The following CDC42BPB variants were observed in gnomAD, a reference collection of about 807,000 sequenced individuals.
The protein encoded by CDC42BPB is serine/threonine-protein kinase MRCK beta.
A neutral mutation model predicts 214.9 loss-of-function variants in CDC42BPB; 37 were observed. The observed-to-expected ratio is 0.17, with a 90% CI of 0.13 to 0.23. The LOEUF (loss-of-function observed/expected upper bound fraction) is 0.23, where lower values mean the gene tolerates loss of function less well. Ranked by LOEUF, CDC42BPB falls within the 10% of genes least tolerant of loss-of-function variation. The pLI is 1.00. For missense variants in CDC42BPB, 1,694 were observed against 2,227.0 expected, an observed-to-expected ratio of 0.76 and a Z score of 4.82; for synonymous variants, 931 against 884.0, an observed-to-expected ratio of 1.05 and a Z score of -0.94.
At position 102,939,958 on chromosome 14, in the gene CDC42BPB, A is replaced by G. The variant is rs1891815249; in HGVS notation, c.4592-11T>C. 1 of 1,613,772 alleles carries G rather than the reference A, an allele frequency of 6.2e-7. No individual in the cohort carries two copies. The highest frequency in any genetic ancestry group is 1.3e-5 in the African/African-American group (1 of 74,956). On this transcript the variant is annotated splice_polypyrimidine_tract_variant and intron_variant, in intron 32 of 36. Transcript: ENST00000361246. The stretch of plus-strand genomic sequence containing the variant: ...CGTTGAGAACCGCTCCTGCAGAAGC[A>G]GAGCGCGCGGTGACGGTGCTGCGGC...
rs757877062 is a variant in CDC42BPB at position 102,983,666 on chromosome 14, C to G, written c.781G>C (p.Glu261Gln). The G allele has an allele frequency of 6.2e-7, 1 of 1,614,040 alleles. No homozygotes were observed. Among genetic ancestry groups the G allele is most frequent in the Admixed American group, 1.7e-5 (1 of 60,036 alleles). The part of the protein sequence containing the change: ...MEDGMGKYGP[E>Q]CDWWSLGVCM... ...ACACCCAGAGACCACCAGTCACACT[C>G]AGGCCCGTATTTGCCCATGCCGTCC... The change falls in exon 7 of 37, where the codon GAG becomes CAG. Residue 261 changes from glutamate to glutamine, a missense_variant. Transcript: ENST00000361246.
At chr14:103,018,933 C>A (rs1252972288) in intron 1 of CDC42BPB, among the ~76,000 whole-genome samples, 4 of 152,046 alleles carry the variant, frequency 2.6e-5, no homozygotes, top group Non-Finnish European at 4.4e-5. Context: ...AGGATGCAGG[C>A]CATTCGGTTT....
chr14:102,966,679 ACT>A (rs1893219085), intron 17 of CDC42BPB: 5 of 253,626 alleles, frequency 2.0e-5, no homozygotes, highest in East Asian at 1.8e-4. Context: ...AAAAATAAAA[ACT>A]CTTTTTTTAA....
chr14:102,981,254 C>T, intron 7 of CDC42BPB: 13 of 896,076 alleles, frequency 1.5e-5, no homozygotes, highest in Non-Finnish European at 1.7e-5. Flanking sequence ...ATGTAAATGA[C>T]ACATTTTACC....
intron 36 of CDC42BPB, among the ~76,000 whole-genome samples, chr14:102,934,751 C>T (rs577782373): frequency 5.9e-5 from 9 of 152,136 alleles, no homozygotes; most frequent in Admixed American, 3.3e-4. Flanking sequence ...GTGGCTCACA[C>T]CTGTAATCCC....
chr14:102,947,877 C>A lies in CDC42BPB; in HGVS notation c.3450-75G>T, dbSNP rs572034032. 4 of 1,602,852 alleles carry A rather than the reference C, an allele frequency of 2.5e-6. No individual in the cohort carries two copies. In the African/African-American group the frequency reaches 5.4e-5, roughly 21 times the overall value. ...CAAGGCCCTCCCACGCCCTGCCCTG[C>A]CCTGCCCTGCCATGTCCTTCCACCA... On this transcript the variant is annotated intron_variant, in intron 26 of 36. Transcript: ENST00000361246.
intron 21 of CDC42BPB, among the ~76,000 whole-genome samples, chr14:102,958,279 T>C (rs1007508626): frequency 3.9e-5 from 6 of 152,224 alleles, no homozygotes; most frequent in African/African-American, 1.4e-4. Context: ...CTGAAGTATG[T>C]TGGGGTCGCT....
chr14:103,056,069 T>C (rs902950486), intron 1 of CDC42BPB, among the ~76,000 whole-genome samples: 9 of 152,220 alleles, frequency 5.9e-5, no homozygotes. Flanking sequence ...CTTTTACCTG[T>C]CTTTAGGATC....
chr14:102,985,466 A>G (rs1033279726), intron 6 of CDC42BPB, among the ~76,000 whole-genome samples: 14 of 152,192 alleles, frequency 9.2e-5, no homozygotes, highest in Non-Finnish European at 1.6e-4. Context: ...TGTGGAGGGT[A>G]ACCCATGTTC....
Position 103,004,583 on chromosome 14 carries a change from GT to G in CDC42BPB, c.352-561del, listed in dbSNP as rs1895145731. On this transcript the variant is annotated intron_variant, in intron 3 of 36. Coordinates refer to ENST00000361246, the MANE Select transcript of CDC42BPB (RefSeq NM_006035.4). The surrounding 1 kb of genome is among the most constrained non-coding windows in gnomAD (Gnocchi z 5.3). The stretch of plus-strand genomic sequence containing the variant: ...CTACCCTGCTACGTCTTCCAAAAGA[GT>G]TTTAATGCCCAGGTGGCATCTCCGT... 6.6e-6 allele frequency among the ~76,000 whole-genome samples: 1 copy of G among 152,218 alleles called. No homozygotes were observed. The highest frequency in any genetic ancestry group is 6.5e-5 in the Admixed American group (1 of 15,282).
chr14:103,019,626 AG>A (rs1168421202), intron 1 of CDC42BPB, among the ~76,000 whole-genome samples: 2 of 152,196 alleles, frequency 1.3e-5, no homozygotes, highest in Admixed American at 1.3e-4. Flanking sequence ...TTCTCTACAC[AG>A]GGGGTTCGCA....
chr14:103,032,350 G>A (rs1887430028), intron 1 of CDC42BPB, among the ~76,000 whole-genome samples: 1 of 144,394 alleles, frequency 6.9e-6, no homozygotes, highest in African/African-American at 2.9e-5. Flanking sequence ...AATGAAATCA[G>A]AAATGCCTAT....
intron 7 of CDC42BPB, among the ~76,000 whole-genome samples, chr14:102,981,551 T>A (rs529381290): frequency 6.6e-6 from 1 of 152,222 alleles, no homozygotes; most frequent in African/African-American, 2.4e-5. Context: ...GAGGCCGAGG[T>A]GGGCAGATCA....
At chr14:102,938,638 T>G in intron 34 of CDC42BPB, 1 of 852,538 alleles carries the variant, frequency 1.2e-6, no homozygotes, top group South Asian at 5.4e-5. Context: ...TTTTTTTGTT[T>G]GTTTGTTTGA....
At chr14:102,963,910 C>T (rs1262646835) in intron 19 of CDC42BPB, among the ~76,000 whole-genome samples, 1 of 152,230 alleles carries the variant, frequency 6.6e-6, no homozygotes, top group Non-Finnish European at 1.5e-5. Context: ...TCGCCTGCCT[C>T]ATGGCACAGC....
chr14:102,967,804 C>T (rs1217354541), intron 16 of CDC42BPB, among the ~76,000 whole-genome samples: 1 of 152,178 alleles, frequency 6.6e-6, no homozygotes, highest in Non-Finnish European at 1.5e-5. Context: ...TGTAAAAAGA[C>T]ACCAAACTTC....
At chr14:103,051,689 C>T (rs1888617786) in intron 1 of CDC42BPB, among the ~76,000 whole-genome samples, 1 of 152,224 alleles carries the variant, frequency 6.6e-6, no homozygotes, top group African/African-American at 2.4e-5. Context: ...GCCTGAAGGG[C>T]AATTCACTGC....
At position 102,999,733 on chromosome 14, in the gene CDC42BPB, G is replaced by C. The variant is rs760081349; in HGVS notation, c.448-20C>G. On this transcript the variant is annotated intron_variant, in intron 4 of 36. Coordinates refer to ENST00000361246, the MANE Select transcript of CDC42BPB (RefSeq NM_006035.4). ...TAAGTACTACAAATTGGAAAGAGAA[G>C]GGGAGAGAATACCACATTTAGTCAC... is the stretch of plus-strand genomic sequence containing the variant. The C allele has an allele frequency of 1.2e-6, 2 of 1,614,008 alleles. No homozygotes were observed. The highest frequency in any genetic ancestry group is 2.2e-5 in the East Asian group (1 of 44,878).
At chr14:102,958,772 C>A (rs1014628787) in intron 21 of CDC42BPB, among the ~76,000 whole-genome samples, 3 of 152,116 alleles carry the variant, frequency 2.0e-5, no homozygotes, top group Non-Finnish European at 4.4e-5. Flanking sequence ...TCCCATCGAT[C>A]CCCAATGCCG....
Sources: allele counts gnomAD v4.1 joint callset (sites outside exome capture counted in the v4.1 genomes callset), GRCh38; gene constraint gnomAD v4.1.1; non-coding constraint Gnocchi (gnomAD v3.1); transcripts MANE v1.5; gene names NCBI Gene and HGNC (gene_info 2026-07-23, HGNC 2026-07-21).